CYP20A1: variants seen among roughly 807,000 people sequenced by gnomAD.
CYP20A1 encodes cytochrome P450 20A1.
In CYP20A1, 61 loss-of-function variants were observed where a neutral mutation model predicts 61.4. That is an observed-to-expected ratio of 0.99 (90% CI 0.81 to 1.23). The LOEUF (loss-of-function observed/expected upper bound fraction) is 1.23, where lower values mean the gene tolerates loss of function less well. CYP20A1 is among the 50% of genes most tolerant of loss of function. The pLI is 0.00. For missense variants in CYP20A1, 530 were observed against 542.4 expected (o/e 0.98, Z 0.23); for synonymous variants, 193 against 188.2 (o/e 1.03, Z -0.21).
At chr2:203,291,509 CATATATT>C (rs1214461301) in intron 10 of CYP20A1, among the ~76,000 whole-genome samples, 1 of 152,092 alleles carries the variant, frequency 6.6e-6, no homozygotes, top group Non-Finnish European at 1.5e-5. Context: ...AATTTTCATA[CATATATT>C]AACAGTTTGT....
chr2:203,284,296 G>T (rs1248876102), intron 8 of CYP20A1, among the ~76,000 whole-genome samples: 1 of 152,166 alleles, frequency 6.6e-6, no homozygotes, highest in Admixed American at 6.5e-5. Context: ...ATATTAAAAA[G>T]TATTTGACAC....
chr2:203,253,618 T>A (rs2066782822), intron 4 of CYP20A1, among the ~76,000 whole-genome samples: 1 of 152,190 alleles, frequency 6.6e-6, no homozygotes, highest in African/African-American at 2.4e-5. Context: ...AAGCAGTTAA[T>A]CATACAGTGA....
intron 5 of CYP20A1, among the ~76,000 whole-genome samples, chr2:203,269,123 A>G (rs2067452237): frequency 6.6e-6 from 1 of 152,088 alleles, no homozygotes; most frequent in Non-Finnish European, 1.5e-5. Flanking sequence ...TTTTGACAAC[A>G]TTTAGAATTG....
rs75300189 is a variant in CYP20A1, at chr2:203,289,088, A to G, written c.972-677A>G. ...TGGATATGAGAATGTCTTTTTCTCCATCTTTTTCTAGTAATATCTGCTCTC... is the reference window on the plus strand; with the variant it reads ...TGGATATGAGAATGTCTTTTTCTCCGTCTTTTTCTAGTAATATCTGCTCTC... On this transcript the variant is annotated intron_variant, in intron 9 of 12. Coordinates refer to ENST00000356079, the MANE Select transcript of CYP20A1 (RefSeq NM_177538.3). Among the ~76,000 whole-genome samples the G allele has an allele frequency of 1.9e-3, 293 of 152,300 alleles. 1 individual carries two copies. The highest frequency in any genetic ancestry group is 3.6e-3 in the Non-Finnish European group (243 of 68,006).
rs768994234 is a variant in CYP20A1, at chr2:203,285,718, A to G, written c.957A>G (p.Lys319=). Residue 319 remains lysine (K), a synonymous_variant, in exon 9 of 13, where the codon AAA becomes AAG. Coordinates refer to ENST00000356079, the MANE Select transcript of CYP20A1 (RefSeq NM_177538.3). ...VFGNGPVTPE[K]IEQLRYCQHV... is the part of the protein sequence containing the mutation. ...GAAATGGTCCTGTTACTCCAGAGAA[A>G]ATTGAGCAGCTCAGGTAAGAACACA... 1 of 1,594,240 alleles carries G rather than the reference A, an allele frequency of 6.3e-7. No individual in the cohort carries two copies. Among genetic ancestry groups the G allele is most frequent in the Non-Finnish European group, 8.5e-7 (1 of 1,175,734 alleles).
chr2:203,245,781 T>C, intron 1 of CYP20A1, 65 bp from the exon 2 acceptor site: 1 of 891,344 alleles, frequency 1.1e-6, no homozygotes, highest in South Asian at 1.6e-5. Context: ...GCAGATGTGT[T>C]GGTGAAACAC....
chr2:203,258,144 C>T (rs2066993975), intron 4 of CYP20A1, among the ~76,000 whole-genome samples: 2 of 152,210 alleles, frequency 1.3e-5, no homozygotes, highest in Non-Finnish European at 2.9e-5. Flanking sequence ...CTCAAGTGAT[C>T]CTCCTGCCTC....
At chr2:203,257,317 C>CA (rs751345935) in intron 4 of CYP20A1, among the ~76,000 whole-genome samples, 420 of 113,356 alleles carry the variant, frequency 3.7e-3, no homozygotes, top group Middle Eastern at 9.8e-3. Context: ...GACACTGTCT[C>CA]AAAAAAAAAA....
chr2:203,271,836 G>C (rs1191311805), intron 5 of CYP20A1, among the ~76,000 whole-genome samples: 1 of 152,080 alleles, frequency 6.6e-6, no homozygotes, highest in Non-Finnish European at 1.5e-5. Context: ...AGGAGTTCGA[G>C]ACCAGTCTGG....
Position 203,304,267 on chromosome 2 carries a change from G to T in CYP20A1, c.*7359G>T, listed in dbSNP as rs941252588. On this transcript the variant is annotated 3_prime_UTR_variant, in exon 13 of 13. Transcript: ENST00000356079. ...GGCTTGAGTGCAGTGGCATGATCTG[G>T]GCTCACTACAACCTCCATCTCCCCA... is the stretch of plus-strand genomic sequence containing the variant. Among the ~76,000 whole-genome samples, 1 of 152,054 alleles carries T rather than the reference G, an allele frequency of 6.6e-6. No homozygotes were observed. The highest frequency in any genetic ancestry group is 1.5e-5 in the Non-Finnish European group (1 of 68,002).
intron 3 of CYP20A1, among the ~76,000 whole-genome samples, chr2:203,247,743 G>A (rs551062483): frequency 6.6e-6 from 1 of 152,192 alleles, no homozygotes; most frequent in South Asian, 2.1e-4. Flanking sequence ...TGTAGTCCCA[G>A]CTACTCGGGA....
intron 11 of CYP20A1, 62 bp downstream of exon 11, chr2:203,292,388 C>T (rs2068576335): frequency 8.4e-7 from 1 of 1,193,120 alleles, no homozygotes; most frequent in Non-Finnish European, 1.2e-6. Flanking sequence ...GTTTTGCATT[C>T]CTTTCCTAAC....
chr2:203,245,801 A>G (rs1359197050), intron 1 of CYP20A1, 45 bp from the exon 2 acceptor site: 1 of 1,204,248 alleles, frequency 8.3e-7, no homozygotes, highest in Non-Finnish European at 1.2e-6. Flanking sequence ...CATCTGACTT[A>G]TGGGATATAT....
At chr2:203,281,726 C>T (rs2068050089) in intron 8 of CYP20A1, among the ~76,000 whole-genome samples, 1 of 150,378 alleles carries the variant, frequency 6.6e-6, no homozygotes, top group Non-Finnish European at 1.5e-5. Context: ...GCTTGAACCC[C>T]AGAGGCAGAG....
chr2:203,275,628 C>T (rs1028014837), intron 6 of CYP20A1, among the ~76,000 whole-genome samples: 7 of 152,000 alleles, frequency 4.6e-5, no homozygotes, highest in African/African-American at 1.4e-4. Flanking sequence ...TTAGTACAGA[C>T]GGGGTTTCAC....
chr2:203,245,885 A>G lies in CYP20A1; in HGVS notation c.112A>G (p.Thr38Ala), dbSNP rs755529202. Residue 38 changes from threonine (T) to alanine (A), a missense_variant, in exon 2 of 13, where the codon ACT becomes GCT. Transcript: ENST00000356079. ...TGCAGGAATTCCAGGGATTACTCCA[A>G]CTGAAGAAAAGTGAGTAATTATTTT... ...QAAGIPGITP[T>A]EEKDGNLPDI... is the part of the protein sequence containing the mutation. 2.5e-6 allele frequency: 4 copies of G among 1,598,700 alleles called. No individual in the cohort carries two copies. Among genetic ancestry groups the G allele is most frequent in the Admixed American group, 1.7e-5 (1 of 59,288 alleles).
At chr2:203,293,817 G>A (rs898990123) in intron 11 of CYP20A1, among the ~76,000 whole-genome samples, 3 of 151,934 alleles carry the variant, frequency 2.0e-5, no homozygotes, top group African/African-American at 7.3e-5. Flanking sequence ...AGTTTAAGTC[G>A]TTTAAAAATA....
intron 1 of CYP20A1, among the ~76,000 whole-genome samples, chr2:203,240,258 C>T (rs1348904474): frequency 6.6e-6 from 1 of 152,238 alleles, no homozygotes; most frequent in Non-Finnish European, 1.5e-5. Flanking sequence ...CTTGCAACTA[C>T]ACAATCAGGG....
intron 3 of CYP20A1, among the ~76,000 whole-genome samples, chr2:203,249,811 C>T (rs2105906256): frequency 1.3e-5 from 2 of 152,236 alleles, no homozygotes; most frequent in African/African-American, 2.4e-5. Flanking sequence ...AGCCATTGCA[C>T]TCCAACCTGG....
Sources: allele counts gnomAD v4.1 joint callset (sites outside exome capture counted in the v4.1 genomes callset), GRCh38; gene constraint gnomAD v4.1.1; transcripts MANE v1.5; gene names NCBI Gene and HGNC (gene_info 2026-07-23, HGNC 2026-07-21).